Variants in ASAP1 observed in about 807,000 individuals in gnomAD.
ASAP1 encodes the protein ArfGAP with SH3 domain, ankyrin repeat and PH domain 1.
Under a neutral mutation model 145.2 loss-of-function variants are expected in ASAP1, and 43 were observed. That is an observed-to-expected ratio of 0.30 (90% CI 0.23 to 0.38). ASAP1 has a LOEUF of 0.38. Ranked by LOEUF, ASAP1 falls within the 10% of genes least tolerant of loss-of-function variation. The pLI, the probability that ASAP1 is intolerant of heterozygous loss-of-function variation, is 1.00. For missense variants in ASAP1, 1,018 were observed against 1,355.3 expected (o/e 0.75, Z 3.91); for synonymous variants, 546 against 515.5 (o/e 1.06, Z -0.80).
chr8:130,372,074 G>A (rs1827239395), intron 2 of ASAP1, among the ~76,000 whole-genome samples: 1 of 152,168 alleles, frequency 6.6e-6, no homozygotes, highest in Non-Finnish European at 1.5e-5. Flanking sequence ...CATGCAACAG[G>A]CCTATTTTGT....
chr8:130,154,563 C>G (rs189377297), intron 12 of ASAP1, among the ~76,000 whole-genome samples: 1 of 152,186 alleles, frequency 6.6e-6, no homozygotes, highest in African/African-American at 2.4e-5. Flanking sequence ...CAAATGACAT[C>G]AGGAGACCAC....
intron 5 of ASAP1, among the ~76,000 whole-genome samples, chr8:130,188,670 G>C (rs549143862): frequency 2.9e-4 from 34 of 118,740 alleles, no homozygotes; most frequent in Non-Finnish European, 4.9e-4. Flanking sequence ...GGAGGCGGAG[G>C]TTGCAGTGAG....
intron 3 of ASAP1, among the ~76,000 whole-genome samples, chr8:130,329,539 G>A (rs1399579731): frequency 6.6e-6 from 1 of 152,080 alleles, no homozygotes; most frequent in East Asian, 1.9e-4. Flanking sequence ...GGCATGGGTG[G>A]GTGGCTATAC....
rs1259332593 is a variant in ASAP1 at position 130,076,466 on chromosome 8, A to G, written c.2643-60T>C. ...AGTGCTAGAATATCAATAGCAAAATATTATTCAAGTAAATCAAATCAAAGG... is the reference window on the plus strand; with the variant it reads ...AGTGCTAGAATATCAATAGCAAAATGTTATTCAAGTAAATCAAATCAAAGG... On this transcript the variant is annotated intron_variant, in intron 26 of 29. Coordinates refer to ENST00000518721, the MANE Select transcript of ASAP1 (RefSeq NM_018482.4). The G allele has an allele frequency of 7.8e-6, 9 of 1,153,258 alleles. No individual in the cohort carries two copies. The Admixed American group carries it at 1.4e-4, about 19-fold the overall frequency. The allele number at this position is 1,153,258 out of a possible 1,614,324, so 71.4% of individuals were successfully genotyped here.
chr8:130,122,447 T>C (rs1257525114), intron 18 of ASAP1, among the ~76,000 whole-genome samples: 1 of 152,216 alleles, frequency 6.6e-6, no homozygotes, highest in Non-Finnish European at 1.5e-5. Flanking sequence ...ATAGTAGTAG[T>C]AGTAAATACT....
chr8:130,314,135 G>A (rs1390440498), intron 3 of ASAP1, among the ~76,000 whole-genome samples: 1 of 152,130 alleles, frequency 6.6e-6, no homozygotes, highest in African/African-American at 2.4e-5. Flanking sequence ...AATCATGCAA[G>A]GCTCTCACTT....
intron 2 of ASAP1, among the ~76,000 whole-genome samples, chr8:130,393,787 C>T (rs1586964058): frequency 6.6e-6 from 1 of 152,142 alleles, no homozygotes; most frequent in African/African-American, 2.4e-5. Flanking sequence ...ACAGAGGGAC[C>T]AGCTGAAGCC....
intron 3 of ASAP1, among the ~76,000 whole-genome samples, chr8:130,248,492 C>CAGGG (rs1457244704): frequency 5.3e-5 from 8 of 152,086 alleles, no homozygotes; most frequent in Non-Finnish European, 1.0e-4. Flanking sequence ...CACTGGGACC[C>CAGGG]ATCACACAGG....
At chr8:130,090,145 G>A (rs1194872913) in intron 25 of ASAP1, among the ~76,000 whole-genome samples, 7 of 152,140 alleles carry the variant, frequency 4.6e-5, no homozygotes, top group African/African-American at 1.7e-4. Context: ...TCTTGCTCTT[G>A]AGTGATGTGA....
intron 2 of ASAP1, among the ~76,000 whole-genome samples, chr8:130,376,365 A>G (rs1827491139): frequency 1.3e-5 from 2 of 152,342 alleles, no homozygotes; most frequent in Admixed American, 1.3e-4. Context: ...AGGCCCAGTC[A>G]TCTCAGTAAT....
chr8:130,173,848 A>G (rs1813759626), intron 9 of ASAP1, among the ~76,000 whole-genome samples: 3 of 151,148 alleles, frequency 2.0e-5, no homozygotes, highest in African/African-American at 7.3e-5. Flanking sequence ...CGAGATGGGT[A>G]GATTGCCTGA....
chr8:130,422,280 A>C (rs950043144), intron 1 of ASAP1, among the ~76,000 whole-genome samples: 3 of 152,226 alleles, frequency 2.0e-5, no homozygotes, highest in African/African-American at 7.2e-5. Context: ...GAAGCCGATG[A>C]GGACTCTGGA....
At chr8:130,426,172 T>C (rs1829909263) in intron 1 of ASAP1, among the ~76,000 whole-genome samples, 1 of 152,084 alleles carries the variant, frequency 6.6e-6, no homozygotes, top group Non-Finnish European at 1.5e-5. Flanking sequence ...CGAGATCCGC[T>C]TGTTTAAAAG....
At chr8:130,185,661 A>G (rs1814664027) in intron 7 of ASAP1, among the ~76,000 whole-genome samples, 1 of 149,018 alleles carries the variant, frequency 6.7e-6, no homozygotes, top group African/African-American at 2.5e-5. Flanking sequence ...CCCAGGAGGC[A>G]GAGGCTGCAG....
At chr8:130,141,041 T>A (rs1350635002) in intron 13 of ASAP1, among the ~76,000 whole-genome samples, 1 of 152,230 alleles carries the variant, frequency 6.6e-6, no homozygotes, top group African/African-American at 2.4e-5. Context: ...TTGGAGACTG[T>A]ATAATCTTTC....
intron 2 of ASAP1, among the ~76,000 whole-genome samples, chr8:130,397,554 C>T (rs142631739): frequency 1.4e-3 from 209 of 152,268 alleles, no homozygotes; most frequent in African/African-American, 4.8e-3. Flanking sequence ...ACTTGCCTAC[C>T]CCATGGAACA....
At chr8:130,133,353 G>T (rs1376000073) in intron 15 of ASAP1, among the ~76,000 whole-genome samples, 1 of 152,208 alleles carries the variant, frequency 6.6e-6, no homozygotes, top group Non-Finnish European at 1.5e-5. Context: ...CTGGTCAGGT[G>T]AGTGCAAAAC....
chr8:130,270,512 C>A (rs1422682697), intron 3 of ASAP1, among the ~76,000 whole-genome samples: 1 of 152,186 alleles, frequency 6.6e-6, no homozygotes, highest in Admixed American at 6.5e-5. Context: ...AGACAAGTAA[C>A]TTATAAATTC....
At chr8:130,429,091 C>T (rs1025748860) in intron 1 of ASAP1, among the ~76,000 whole-genome samples, 6 of 152,190 alleles carry the variant, frequency 3.9e-5, no homozygotes, top group Non-Finnish European at 1.5e-5. Flanking sequence ...GCCTTGACAT[C>T]GTCTTCCCTC....
Sources: allele counts gnomAD v4.1 joint callset (sites outside exome capture counted in the v4.1 genomes callset), GRCh38; gene constraint gnomAD v4.1.1; transcripts MANE v1.5; gene names NCBI Gene and HGNC (gene_info 2026-07-23, HGNC 2026-07-21).